NISCH: variants seen among roughly 807,000 people sequenced by gnomAD.
The protein encoded by NISCH is I-1 receptor candidate protein.
In NISCH, 55 loss-of-function variants were observed where a neutral mutation model predicts 138.4. The ratio of observed to expected loss-of-function variants is 0.40; its 90% CI spans 0.32 to 0.50. NISCH has a LOEUF of 0.50. Among genes scored for constraint, NISCH ranks in the 20% least tolerant of loss-of-function variants. The pLI is 0.71. For missense variants in NISCH, 1,643 were observed against 2,005.5 expected (o/e 0.82, Z 3.45); for synonymous variants, 860 against 861.5 (o/e 1.00, Z 0.03).
At chr3:52,484,462 T>TTGGCCCGC in intron 13 of NISCH, 51 bp from the exon 14 acceptor site, 2 of 788,670 alleles carry the variant, frequency 2.5e-6, no homozygotes, top group Non-Finnish European at 3.7e-6. Context: ...ACAGCCGCTC[T>TTGGCCCGC]CCCCGCCCCA....
rs751562844 is a variant in NISCH at position 52,480,212 on chromosome 3, C to A, written c.1445C>A (p.Ala482Asp). Reference protein sequence around the residue: ...KGGEDSRLSAAPCIRPSSSPP... With the variant: ...KGGEDSRLSADPCIRPSSSPP... The stretch of plus-strand genomic sequence containing the variant: ...GGTGAAGACTCCCGGCTCTCAGCTG[C>A]CCCCTGCATCAGACCCAGCAGCTCC... The change falls in exon 13 of 21, where the codon GCC becomes GAC. Residue 482 changes from alanine to aspartate, a missense_variant. Ala to Asp is a moderately radical substitution (Grantham distance 126). Coordinates refer to ENST00000345716, the MANE Select transcript of NISCH (RefSeq NM_007184.4). 2.5e-6 allele frequency: 4 copies of A among 1,613,968 alleles called. No homozygotes were observed. The highest frequency in any genetic ancestry group is 1.7e-5 in the Admixed American group (1 of 60,032).
chr3:52,456,799 G>A (rs1204062723), intron 1 of NISCH, among the ~76,000 whole-genome samples: 1 of 152,220 alleles, frequency 6.6e-6, no homozygotes, highest in Non-Finnish European at 1.5e-5. Flanking sequence ...GCTGGAGGAG[G>A]CTTCAGCTCC....
intron 13 of NISCH, among the ~76,000 whole-genome samples, chr3:52,483,272 G>A (rs1707324407): frequency 1.3e-5 from 2 of 152,190 alleles, no homozygotes; most frequent in Admixed American, 6.5e-5. Context: ...CCTGTCCCGG[G>A]GAGCAGCTGA....
At chr3:52,476,681 G>A (rs7620015) in intron 8 of NISCH, 82 bp downstream of exon 8, 1,355,326 of 1,430,070 alleles carry the variant, frequency 0.95, 642,509 homozygotes, top group African/African-American at 0.99. Context: ...GCTTTTTTAG[G>A]AAGGACCACG....
chr3:52,456,051 T>A (rs1462857828), intron 1 of NISCH, among the ~76,000 whole-genome samples: 1 of 151,874 alleles, frequency 6.6e-6, no homozygotes, highest in Non-Finnish European at 1.5e-5. Flanking sequence ...GGAACCCCTC[T>A]AGATCCTCTA....
chr3:52,487,417 A>G lies in NISCH; in HGVS notation c.1925A>G (p.Glu642Gly). ...QGEQGEEEDE[E>G]EEEEEDVAEN... ...GAACAGGGCGAGGAGGAGGATGAGG[A>G]GGAGGAAGAAGAGGAGGACGTGGCT... The change falls in exon 16 of 21, where the codon GAG becomes GGG. Residue 642 changes from glutamate to glycine, a missense_variant. Physicochemically the swap from Glu to Gly is moderately conservative, Grantham distance 98. Transcript: ENST00000345716. The surrounding 1 kb of genome is among the most constrained non-coding windows in gnomAD (Gnocchi z 9.1). 1 of 1,612,168 alleles carries G rather than the reference A, an allele frequency of 6.2e-7. No homozygotes were observed. The highest frequency in any genetic ancestry group is 1.1e-5 in the South Asian group (1 of 91,040).
intron 11 of NISCH, 28 bp downstream of exon 11, chr3:52,478,605 C>G (rs753422825): frequency 6.2e-7 from 1 of 1,608,490 alleles, no homozygotes; most frequent in Non-Finnish European, 8.5e-7. Context: ...CAGAAGAGCC[C>G]AGGGAGACCT....
At chr3:52,456,536 G>T (rs575479682) in intron 1 of NISCH, among the ~76,000 whole-genome samples, 208 of 152,314 alleles carry the variant, frequency 1.4e-3, no homozygotes, top group Non-Finnish European at 2.1e-3. Flanking sequence ...GCAAAAACCG[G>T]CCCTGGACTA....
Position 52,492,694 on chromosome 3 carries a change from A to G in NISCH, c.*212A>G. ...CCCTCAGGGCTGTCGGTGTGCTGTCAGCCTCCCACAGGTGGTACAGCCGTG... is the reference window on the plus strand; with the variant it reads ...CCCTCAGGGCTGTCGGTGTGCTGTCGGCCTCCCACAGGTGGTACAGCCGTG... On this transcript the variant is annotated 3_prime_UTR_variant, in exon 21 of 21. Transcript: ENST00000345716. The G allele has an allele frequency of 1.6e-6, 1 of 643,468 alleles. No homozygotes were observed. The highest frequency in any genetic ancestry group is 2.2e-5 in the South Asian group (1 of 46,072). The allele number at this position is 643,468 out of a possible 1,614,324, so 39.9% of individuals were successfully genotyped here. A position where few individuals can be genotyped will look rare whatever the true frequency, so the allele number is the denominator to read the frequency against.
At position 52,487,150 on chromosome 3, in the gene NISCH, AG is replaced by A; in HGVS notation, c.1704-42del. ...CCAGATGTGGCAGGTGGGAGGTGGG[AG>A]GGGCCCCTCCCAGCATGCCACTGAC... On this transcript the variant is annotated intron_variant, in intron 15 of 20. Coordinates refer to ENST00000345716, the MANE Select transcript of NISCH (RefSeq NM_007184.4). The surrounding 1 kb of genome is among the most constrained non-coding windows in gnomAD (Gnocchi z 9.1). 6.4e-7 allele frequency: 1 copy of A among 1,560,672 alleles called. No homozygotes were observed. Among genetic ancestry groups the A allele is most frequent in the South Asian group, 1.2e-5 (1 of 84,686 alleles).
At position 52,455,634 on chromosome 3, in the gene NISCH, A is replaced by T. The variant is rs748830975; in HGVS notation, c.-8A>T. On this transcript the variant is annotated 5_prime_UTR_variant, in exon 1 of 21. Coordinates refer to ENST00000345716, the MANE Select transcript of NISCH (RefSeq NM_007184.4). The stretch of plus-strand genomic sequence containing the variant: ...GCGCCGGGCGGCGGTGGCGGCGGAG[A>T]CCCGAACATGGCGACCGCGCGCACC... 3.0e-6 allele frequency: 4 copies of T among 1,329,158 alleles called. No homozygotes were observed. The Middle Eastern group carries it at 8.2e-4, about 274-fold the overall frequency. The allele number at this position is 1,329,158 out of a possible 1,614,324, so 82.3% of individuals were successfully genotyped here.
intron 2 of NISCH, among the ~76,000 whole-genome samples, chr3:52,458,351 G>A (rs897584612): frequency 6.6e-6 from 1 of 152,106 alleles, no homozygotes; most frequent in African/African-American, 2.4e-5. Context: ...AAGACACACC[G>A]CTGCCCTGAT....
chr3:52,487,412 T>G lies in NISCH; in HGVS notation c.1920T>G (p.Asp640Glu), dbSNP rs1707430508. 1 of 1,609,682 alleles carries G rather than the reference T, an allele frequency of 6.2e-7. No individual in the cohort carries two copies. Among genetic ancestry groups the G allele is most frequent in the Non-Finnish European group, 8.5e-7 (1 of 1,177,448 alleles). ...EGQGEQGEEE[D>E]EEEEEEEDVA... ...AGGGTGAACAGGGCGAGGAGGAGGA[T>G]GAGGAGGAGGAAGAAGAGGAGGACG... The change falls in exon 16 of 21, where the codon GAT (aspartate) becomes GAG (glutamate). Residue 640 changes from aspartate (D) to glutamate (E), a missense_variant. Physicochemically the swap from Asp to Glu is conservative, Grantham distance 45. Coordinates refer to ENST00000345716, the MANE Select transcript of NISCH (RefSeq NM_007184.4). This position sits in a 1 kb window ranked among gnomAD's most constrained non-coding sequence, Gnocchi z 9.1.
In NISCH at chr3:52,492,210, G is replaced by T. The variant is rs1480922450; in HGVS notation, c.4243G>T (p.Asp1415Tyr). 2.5e-6 allele frequency: 4 copies of T among 1,613,106 alleles called. No individual in the cohort carries two copies. In the East Asian group the frequency reaches 8.9e-5, roughly 36 times the overall value. The change falls in exon 21 of 21, where the codon GAC (aspartate) becomes TAC (tyrosine). Residue 1415 changes from aspartate (D) to tyrosine (Y), a missense_variant. By Grantham distance (160) the Asp-to-Tyr change is radical. Transcript: ENST00000345716. Reference sequence around the variant, plus strand: ...GCTGGACGATGGCCGCCGCGTCCGGGACCTGGACCGAGTGCTCATGGGCTA... The same window carrying T: ...GCTGGACGATGGCCGCCGCGTCCGGTACCTGGACCGAGTGCTCATGGGCTA... ...YRLDDGRRVR[D>Y]LDRVLMGYQT...
Position 52,476,443 on chromosome 3 carries a change from G to T in NISCH, c.766-4G>T. On this transcript the variant is annotated splice_region_variant and splice_polypyrimidine_tract_variant and intron_variant, in intron 7 of 20. Coordinates refer to ENST00000345716, the MANE Select transcript of NISCH (RefSeq NM_007184.4). ...TGGTGCTCCACACAGATGTTTTTAT[G>T]CAGGAAGTCCTTGTTCCTGAAGCCT... is the stretch of plus-strand genomic sequence containing the variant. 6.2e-7 allele frequency: 1 copy of T among 1,613,966 alleles called. No homozygotes were observed. The highest frequency in any genetic ancestry group is 8.5e-7 in the Non-Finnish European group (1 of 1,179,896).
At chr3:52,481,783 C>G (rs972515589) in intron 13 of NISCH, 5 of 985,592 alleles carry the variant, frequency 5.1e-6, no homozygotes, top group Non-Finnish European at 6.0e-6. Context: ...GCTCAGCCCC[C>G]TCCTCACTCC....
chr3:52,485,632 G>A, intron 14 of NISCH, 146 bp from the exon 15 acceptor site: 1 of 833,424 alleles, frequency 1.2e-6, no homozygotes, highest in African/African-American at 1.7e-5. Flanking sequence ...GGGTCCCAGA[G>A]TGGGCTCCAG....
chr3:52,471,364 T>C, intron 4 of NISCH: 1 of 271,994 alleles, frequency 3.7e-6, no homozygotes, highest in Non-Finnish European at 7.0e-6. Context: ...CTGGGAGGAG[T>C]GGAGCGAGGA....
intron 3 of NISCH, among the ~76,000 whole-genome samples, chr3:52,465,198 C>T (rs1199842173): frequency 8.5e-5 from 13 of 152,156 alleles, no homozygotes; most frequent in Admixed American, 6.5e-4. Flanking sequence ...GGCACCATCT[C>T]GGCTCACTGC....
Sources: allele counts gnomAD v4.1 joint callset (sites outside exome capture counted in the v4.1 genomes callset), GRCh38; gene constraint gnomAD v4.1.1; non-coding constraint Gnocchi (gnomAD v3.1); transcripts MANE v1.5; gene names NCBI Gene and HGNC (gene_info 2026-07-23, HGNC 2026-07-21).